Variants in PLEKHH2 observed in about 807,000 individuals in gnomAD.
The protein encoded by PLEKHH2 is pleckstrin homology, MyTH4 and FERM domain containing H2, also known as pleckstrin homology domain-containing family H member 2.
In PLEKHH2, 129 loss-of-function variants were observed where a neutral mutation model predicts 187.9. The ratio of observed to expected loss-of-function variants is 0.69; its 90% CI spans 0.59 to 0.79. The LOEUF (loss-of-function observed/expected upper bound fraction) is 0.79. PLEKHH2 is among the 30% of genes least tolerant of loss of function. PLEKHH2 has a pLI of 0.00. For missense variants in PLEKHH2, 2,076 were observed against 1,751.2 expected, an observed-to-expected ratio of 1.19 and a Z score of -3.31; for synonymous variants, 686 against 605.6, an observed-to-expected ratio of 1.13 and a Z score of -1.95.
intron 14 of PLEKHH2, chr2:43,711,320 G>C (rs1669953745): frequency 2.0e-6 from 2 of 985,368 alleles, no homozygotes; most frequent in Non-Finnish European, 2.4e-6. Context: ...TTAGAAAGGA[G>C]AATCAAGGAA....
At position 43,766,021 on chromosome 2, in the gene PLEKHH2, A is replaced by G. The variant is rs1165672178; in HGVS notation, c.*423A>G. ...GTTCACTGCCAAAATAGTAAGTGCTATAACTAAATGCGCTTTTAATTAATG... is the reference window on the plus strand; with the variant it reads ...GTTCACTGCCAAAATAGTAAGTGCTGTAACTAAATGCGCTTTTAATTAATG... On this transcript the variant is annotated 3_prime_UTR_variant, in exon 30 of 30. Coordinates refer to ENST00000282406, the MANE Select transcript of PLEKHH2 (RefSeq NM_172069.4). 3 of 160,470 alleles carry G rather than the reference A, an allele frequency of 1.9e-5. No individual in the cohort carries two copies. The highest frequency in any genetic ancestry group is 2.7e-5 in the Non-Finnish European group (2 of 73,430). The allele number at this position is 160,470 out of a possible 1,614,324, so 9.9% of individuals were successfully genotyped here. A position where few individuals can be genotyped will look rare whatever the true frequency, so the allele number is the denominator to read the frequency against.
chr2:43,692,225 T>G (rs752887314), intron 3 of PLEKHH2: 1 of 188,870 alleles, frequency 5.3e-6, no homozygotes, highest in Non-Finnish European at 1.1e-5. Context: ...GTTTCTATAC[T>G]CATATAAACA....
intron 14 of PLEKHH2, chr2:43,711,146 G>A (rs1193668551): frequency 1.0e-6 from 1 of 985,632 alleles, no homozygotes; most frequent in East Asian, 1.1e-4. Context: ...AGGCTGTTGA[G>A]ATATTCTAGT....
At position 43,765,493 on chromosome 2, in the gene PLEKHH2, T is replaced by C. The variant is rs1469660020; in HGVS notation, c.4377T>C (p.Ala1459=). The C allele has an allele frequency of 3.1e-6, 5 of 1,614,088 alleles. No homozygotes were observed. Among genetic ancestry groups the C allele is most frequent in the Non-Finnish European group, 8.5e-7 (1 of 1,179,996 alleles). ...QQKAAFHHLS[A]PALLSAQTRG... is the part of the protein sequence containing the mutation. The stretch of plus-strand genomic sequence containing the variant: ...AGGCAGCATTTCACCACCTCTCTGC[T>C]CCAGCACTGCTCTCAGCCCAGACCC... The change falls in exon 30 of 30, where the codon GCT becomes GCC. Residue 1459 remains alanine, a synonymous_variant. Coordinates refer to ENST00000282406, the MANE Select transcript of PLEKHH2 (RefSeq NM_172069.4).
At chr2:43,714,503 T>A (rs1025381243) in intron 15 of PLEKHH2, among the ~76,000 whole-genome samples, 4 of 152,188 alleles carry the variant, frequency 2.6e-5, no homozygotes, top group Non-Finnish European at 5.9e-5. Context: ...GGCTGCAATA[T>A]GAGATACTGT....
At chr2:43,734,328 T>C (rs192190064) in intron 19 of PLEKHH2, among the ~76,000 whole-genome samples, 1 of 152,272 alleles carries the variant, frequency 6.6e-6, no homozygotes, top group African/African-American at 2.4e-5. Flanking sequence ...GCAGCAAAGA[T>C]TGAACAAAAA....
intron 25 of PLEKHH2, among the ~76,000 whole-genome samples, chr2:43,756,120 A>G (rs1672200703): frequency 6.6e-6 from 1 of 152,188 alleles, no homozygotes; most frequent in Non-Finnish European, 1.5e-5. Flanking sequence ...GTGGTTCCGA[A>G]CACAACTGTA....
intron 1 of PLEKHH2, among the ~76,000 whole-genome samples, chr2:43,642,322 G>C (rs1665979497): frequency 6.6e-6 from 1 of 152,078 alleles, no homozygotes. Flanking sequence ...ATGTTGATCT[G>C]ATTTCCTGAA....
chr2:43,743,921 G>C lies in PLEKHH2; in HGVS notation c.3487G>C (p.Gly1163Arg). Reference protein sequence around the residue: ...DTGMRKPAQSGFALFTDDPSG... With the variant: ...DTGMRKPAQSRFALFTDDPSG... ...AGGAATGAGGAAACCAGCGCAGTCT[G>C]GATTTGCGTTGTTCACTGACGATCC... The change falls in exon 23 of 30, where the codon GGA (glycine) becomes CGA (arginine). Residue 1163 changes from glycine (G) to arginine (R), a missense_variant. By Grantham distance (125) the Gly-to-Arg change is moderately radical. Coordinates refer to ENST00000282406, the MANE Select transcript of PLEKHH2 (RefSeq NM_172069.4). The C allele has an allele frequency of 6.2e-7, 1 of 1,614,048 alleles. No individual in the cohort carries two copies. Among genetic ancestry groups the C allele is most frequent in the Non-Finnish European group, 8.5e-7 (1 of 1,179,948 alleles).
At position 43,700,288 on chromosome 2, in the gene PLEKHH2, C is replaced by T; in HGVS notation, c.1330C>T (p.Pro444Ser). 1 of 1,614,090 alleles carries T rather than the reference C, an allele frequency of 6.2e-7. No individual in the cohort carries two copies. Among genetic ancestry groups the T allele is most frequent in the Non-Finnish European group, 8.5e-7 (1 of 1,179,990 alleles). ...CCTGCCACCCCCAAAGTTAAGGATT[C>T]CTAATGTTTTCAGTATAAGTGTAGC... ...SHLPPPKLRI[P>S]NVFSISVALA... The change falls in exon 8 of 30, where the codon CCT becomes TCT. Residue 444 changes from proline (P) to serine (S), a missense_variant. Pro to Ser is a moderately conservative substitution (Grantham distance 74). Transcript: ENST00000282406.
intron 16 of PLEKHH2, among the ~76,000 whole-genome samples, chr2:43,723,492 T>G (rs947551633): frequency 6.6e-6 from 1 of 152,112 alleles, no homozygotes; most frequent in Non-Finnish European, 1.5e-5. Context: ...AAGATAAGAT[T>G]AAGTTTAACA....
rs112027172 is a variant in PLEKHH2 at position 43,759,591 on chromosome 2, C to G, written c.4071+562C>G. Among the ~76,000 whole-genome samples, 1,122 of 152,298 alleles carry G rather than the reference C, an allele frequency of 7.4e-3. 15 individuals carry two copies. Among genetic ancestry groups the G allele is most frequent in the African/African-American group, 0.025 (1,055 of 41,566 alleles). ...CCCTTTCCCCAAGGGAAAAATTATG[C>G]CTTTTGATTCCTTTTCTTTCTGTTG... On this transcript the variant is annotated intron_variant, in intron 27 of 29. Coordinates refer to ENST00000282406, the MANE Select transcript of PLEKHH2 (RefSeq NM_172069.4).
At chr2:43,723,144 T>G (rs1670565336) in intron 16 of PLEKHH2, among the ~76,000 whole-genome samples, 1 of 152,204 alleles carries the variant, frequency 6.6e-6, no homozygotes, top group Admixed American at 6.5e-5. Context: ...CACAATTAGG[T>G]TAGTATTGTT....
At chr2:43,711,969 G>C (rs375288995) in intron 14 of PLEKHH2, 4 of 1,168,728 alleles carry the variant, frequency 3.4e-6, no homozygotes, top group African/African-American at 3.3e-5. Flanking sequence ...AAATAAACAA[G>C]ATATAAAATC....
At chr2:43,730,025 A>G (rs1043753543) in intron 18 of PLEKHH2, among the ~76,000 whole-genome samples, 1 of 151,998 alleles carries the variant, frequency 6.6e-6, no homozygotes. Context: ...TCACCAACAT[A>G]ATGAAACCCC....
intron 17 of PLEKHH2, among the ~76,000 whole-genome samples, chr2:43,726,884 T>C (rs1037355635): frequency 6.6e-6 from 1 of 152,220 alleles, no homozygotes; most frequent in Non-Finnish European, 1.5e-5. Context: ...AATGGGGAAG[T>C]AATATATCAT....
intron 2 of PLEKHH2, chr2:43,675,688 C>A (rs1204742747): frequency 6.2e-7 from 1 of 1,613,948 alleles, no homozygotes; most frequent in Admixed American, 1.7e-5. Context: ...AGATAACTTC[C>A]AAATCACACT....
At chr2:43,697,119 A>AG in intron 6 of PLEKHH2, 52 bp from the exon 7 acceptor site, 1 of 1,444,486 alleles carries the variant, frequency 6.9e-7, no homozygotes, top group Non-Finnish European at 9.3e-7. Flanking sequence ...TTCTATGTTT[A>AG]ACAAACTTCT....
At chr2:43,748,543 C>T (rs1671872749) in intron 24 of PLEKHH2, among the ~76,000 whole-genome samples, 1 of 152,224 alleles carries the variant, frequency 6.6e-6, no homozygotes, top group Admixed American at 6.5e-5. Context: ...CATTAGGCCC[C>T]ACTTCAGACC....
Sources: gnomAD v4.1 joint callset for allele counts (sites outside exome capture counted in the v4.1 genomes callset) on GRCh38, gnomAD v4.1.1 for gene constraint, MANE v1.5 for transcripts, NCBI Gene and HGNC (gene_info 2026-07-23, HGNC 2026-07-21) for gene names.